The following COL5A1 variants were observed in gnomAD, a reference collection of about 807,000 sequenced individuals.
COL5A1 encodes the protein collagen alpha-1(V) chain.
COL5A1 carries 16 observed loss-of-function variants against 263.7 expected under a neutral mutation model. That is an observed-to-expected ratio of 0.06 (90% CI 0.04 to 0.09). The LOEUF is 0.09. Ranked by LOEUF, COL5A1 falls within the 10% of genes least tolerant of loss-of-function variation. The pLI, the probability that COL5A1 is intolerant of heterozygous loss-of-function variation, is 1.00. For missense variants in COL5A1, 2,036 were observed against 2,540.5 expected (o/e 0.80, Z 4.27); for synonymous variants, 1,012 against 1,004.5 (o/e 1.01, Z -0.14).
intron 1 of COL5A1, among the ~76,000 whole-genome samples, chr9:134,655,857 G>GGCA (rs766712677): frequency 3.2e-4 from 48 of 152,198 alleles, no homozygotes; most frequent in Non-Finnish European, 4.6e-4. Flanking sequence ...ACCTGCAGCA[G>GGCA]GGCTCCCCTG....
chr9:134,817,852 G>T (rs1193703882), intron 54 of COL5A1, 21 bp downstream of exon 54: 1 of 1,586,702 alleles, frequency 6.3e-7, no homozygotes, highest in East Asian at 2.3e-5. Flanking sequence ...TTGGAGCCAG[G>T]CTGTGACCGC....
At chr9:134,805,299 C>T in intron 41 of COL5A1, 85 bp downstream of exon 41, 2 of 1,476,788 alleles carry the variant, frequency 1.4e-6, no homozygotes, top group Non-Finnish European at 1.9e-6. Context: ...CCAGAGCATG[C>T]AGCTGCCCCA....
At chr9:134,799,481 G>A (rs1013999202) in intron 37 of COL5A1, among the ~76,000 whole-genome samples, 1 of 152,208 alleles carries the variant, frequency 6.6e-6, no homozygotes, top group African/African-American at 2.4e-5. Flanking sequence ...ATTTCCCACA[G>A]AGGAGAGTGA....
In COL5A1 at chr9:134,732,097, C is replaced by A; in HGVS notation, c.1359C>A (p.Gly453=). 6.2e-7 allele frequency: 1 copy of A among 1,614,220 alleles called. No individual in the cohort carries two copies. The highest frequency in any genetic ancestry group is 1.3e-5 in the African/African-American group (1 of 75,058). Residue 453 remains glycine (G), a synonymous_variant, in exon 9 of 66, where the codon GGC becomes GGA. Transcript: ENST00000371817. ...EGIGGPRGEK[G]QKGEPAIIEP... is the part of the protein sequence containing the mutation. ...TTGGAGGACCTCGGGGCGAGAAAGG[C>A]CAAAAGGGAGAACCAGCGATTATCG...
chr9:134,828,907 GCATACACA>G (rs1420784741), intron 63 of COL5A1, among the ~76,000 whole-genome samples: 1,988 of 150,504 alleles, frequency 0.013, 41 homozygotes, highest in African/African-American at 0.046. Flanking sequence ...CACACACACA[GCATACACA>G]GATACACACC....
intron 5 of COL5A1, 66 bp from the exon 6 acceptor site, chr9:134,728,604 A>T: frequency 2.5e-6 from 4 of 1,609,572 alleles, no homozygotes; most frequent in Non-Finnish European, 3.4e-6. Flanking sequence ...TTGCGGAAGG[A>T]AGGACAGCAG....
intron 1 of COL5A1, among the ~76,000 whole-genome samples, chr9:134,646,403 C>G (rs1354943555): frequency 6.6e-6 from 1 of 152,116 alleles, no homozygotes; most frequent in Non-Finnish European, 1.5e-5. Flanking sequence ...CAGAAATGAC[C>G]CTCCTTCGTG....
At chr9:134,810,329 G>C (rs527600287) in intron 44 of COL5A1, 21 bp downstream of exon 44, 1 of 1,611,756 alleles carries the variant, frequency 6.2e-7, no homozygotes, top group Admixed American at 1.7e-5. Flanking sequence ...GCACGGGGGC[G>C]CGCGGCAGCC....
intron 27 of COL5A1, among the ~76,000 whole-genome samples, chr9:134,777,677 A>T (rs895366495): frequency 1.3e-5 from 2 of 152,106 alleles, no homozygotes; most frequent in Non-Finnish European, 2.9e-5. Context: ...CTGCGGTCCT[A>T]CCTGCCTGCT....
intron 4 of COL5A1, among the ~76,000 whole-genome samples, chr9:134,714,856 G>T (rs1191703353): frequency 6.7e-6 from 1 of 148,922 alleles, no homozygotes; most frequent in Non-Finnish European, 1.5e-5. Flanking sequence ...GGTGAAGGTG[G>T]TAGTGGAGGT....
At chr9:134,709,964 C>T (rs1172102166) in intron 4 of COL5A1, among the ~76,000 whole-genome samples, 5 of 152,232 alleles carry the variant, frequency 3.3e-5, no homozygotes, top group East Asian at 1.9e-4. Context: ...CTGGGGGAGC[C>T]GCCCACCTGA....
In COL5A1 at chr9:134,825,811, T is replaced by C. The variant is rs759203958; in HGVS notation, c.4974T>C (p.Pro1658=). The change falls in exon 63 of 66, where the codon CCT becomes CCC. Residue 1658 remains proline (P), a synonymous_variant. Coordinates refer to ENST00000371817, the MANE Select transcript of COL5A1 (RefSeq NM_000093.5). The part of the protein sequence containing the change: ...DFPDGEYWVD[P]NQGCSRDSFK... ...ATCCAGGTGAATACTGGGTCGATCC[T>C]AACCAAGGATGCTCCAGGGATTCCT... 8.7e-6 allele frequency: 14 copies of C among 1,612,262 alleles called. No homozygotes were observed. The Admixed American group carries it at 2.2e-4, about 25-fold the overall frequency.
At chr9:134,826,270 T>C (rs113908161) in intron 63 of COL5A1, among the ~76,000 whole-genome samples, 4,560 of 152,274 alleles carry the variant, frequency 0.03, 97 homozygotes, top group African/African-American at 0.057. Context: ...GCAGGTACAA[T>C]AACGTGAGCC....
intron 24 of COL5A1, 45 bp downstream of exon 24, chr9:134,767,399 G>A: frequency 1.3e-6 from 2 of 1,587,984 alleles, no homozygotes; most frequent in Non-Finnish European, 1.7e-6. Context: ...CCGCCTGCAG[G>A]TGGATTCCCT....
At chr9:134,768,123 C>T (rs1836740546) in intron 24 of COL5A1, among the ~76,000 whole-genome samples, 1 of 152,182 alleles carries the variant, frequency 6.6e-6, no homozygotes, top group Non-Finnish European at 1.5e-5. Context: ...GATGATGCCC[C>T]CCCGGGCCCC....
intron 44 of COL5A1, among the ~76,000 whole-genome samples, chr9:134,810,614 G>T (rs1458802479): frequency 6.6e-6 from 1 of 152,232 alleles, no homozygotes; most frequent in Non-Finnish European, 1.5e-5. Flanking sequence ...GCCCTCTGAG[G>T]TGAGGGAACC....
intron 20 of COL5A1, among the ~76,000 whole-genome samples, chr9:134,763,986 T>TG (rs1836561718): frequency 1.2e-5 from 1 of 82,250 alleles, no homozygotes; most frequent in Admixed American, 1.6e-4. Flanking sequence ...AGGGTTGTTG[T>TG]GGGGGTCCAG....
rs1057142876 is a variant in COL5A1 at position 134,681,701 on chromosome 9, A to G, written c.110-9211A>G. Among the ~76,000 whole-genome samples, 2 of 152,166 alleles carry G rather than the reference A, an allele frequency of 1.3e-5. No individual in the cohort carries two copies. The highest frequency in any genetic ancestry group is 2.9e-5 in the Non-Finnish European group (2 of 68,024). ...CCTGTACCTCGATTCCTCTTTCCCAATGAAGGCTCTTAGCCCAGATGCTAT... is the reference window on the plus strand; with the variant it reads ...CCTGTACCTCGATTCCTCTTTCCCAGTGAAGGCTCTTAGCCCAGATGCTAT... On this transcript the variant is annotated intron_variant, in intron 1 of 65. Coordinates refer to ENST00000371817, the MANE Select transcript of COL5A1 (RefSeq NM_000093.5). The surrounding 1 kb of genome is among the most constrained non-coding windows in gnomAD (Gnocchi z 4.3).
chr9:134,662,642 G>C (rs1464926733), intron 1 of COL5A1, among the ~76,000 whole-genome samples: 1 of 152,176 alleles, frequency 6.6e-6, no homozygotes, highest in Non-Finnish European at 1.5e-5. Context: ...GGCCTCTGGG[G>C]GTTGTTCTCC....
Sources: gnomAD v4.1 joint callset for allele counts (sites outside exome capture counted in the v4.1 genomes callset) on GRCh38, gnomAD v4.1.1 for gene constraint, Gnocchi (gnomAD v3.1) non-coding constraint, MANE v1.5 for transcripts, NCBI Gene and HGNC (gene_info 2026-07-23, HGNC 2026-07-21) for gene names.